ZZEF1: variants seen among roughly 807,000 people sequenced by gnomAD.
ZZEF1 encodes the protein zinc finger ZZ-type and EF-hand domain-containing protein 1.
In ZZEF1, 157 loss-of-function variants were observed where a neutral mutation model predicts 342.8. That is an observed-to-expected ratio of 0.46 (90% CI 0.40 to 0.52). ZZEF1 has a LOEUF of 0.52. Among genes scored for constraint, ZZEF1 ranks in the 20% least tolerant of loss-of-function variants. The pLI is 0.00. For missense variants in ZZEF1, 3,480 were observed against 3,725.6 expected (o/e 0.93, Z 1.72); for synonymous variants, 1,505 against 1,429.1 (o/e 1.05, Z -1.20).
intron 32 of ZZEF1, chr17:4,056,819 C>T (rs1219251547): frequency 6.6e-6 from 1 of 152,116 alleles, no homozygotes; most frequent in East Asian, 1.9e-4. Context: ...CAGCCCTGGT[C>T]CTCAGTCTCC....
intron 18 of ZZEF1, among the ~76,000 whole-genome samples, chr17:4,079,838 C>T (rs1489581322): frequency 6.6e-6 from 1 of 152,026 alleles, no homozygotes; most frequent in Non-Finnish European, 1.5e-5. Flanking sequence ...GTAAGGCACC[C>T]GCAAAAATGT....
intron 43 of ZZEF1, among the ~76,000 whole-genome samples, chr17:4,023,439 T>C (rs183878355): frequency 6.6e-6 from 1 of 152,152 alleles, no homozygotes; most frequent in South Asian, 2.1e-4. Context: ...ACAGAAATTA[T>C]TGCTGCCCTT....
chr17:4,070,635 A>G (rs767420703), intron 26 of ZZEF1, 49 bp downstream of exon 26: 1 of 1,586,508 alleles, frequency 6.3e-7, no homozygotes, highest in South Asian at 1.2e-5. Context: ...CTTTCTTAAA[A>G]CTTAGCAATT....
chr17:4,077,860 A>G, intron 19 of ZZEF1, 23 bp downstream of exon 19: 1 of 1,610,126 alleles, frequency 6.2e-7, no homozygotes, highest in East Asian at 2.2e-5. Flanking sequence ...ATCTGTTTTC[A>G]TGGATTTTAT....
At chr17:4,024,640 A>G (rs1260925713) in intron 43 of ZZEF1, among the ~76,000 whole-genome samples, 1 of 152,214 alleles carries the variant, frequency 6.6e-6, no homozygotes, top group Non-Finnish European at 1.5e-5. Context: ...AGAGGAAAGT[A>G]AGAAACTTTT....
At chr17:4,113,714 C>T (rs2058350965) in intron 4 of ZZEF1, among the ~76,000 whole-genome samples, 1 of 151,266 alleles carries the variant, frequency 6.6e-6, no homozygotes, top group Non-Finnish European at 1.5e-5. Context: ...TGGCTCACAC[C>T]TATAAACCCA....
In ZZEF1 at chr17:4,066,464, A is replaced by C. The variant is rs773566864; in HGVS notation, c.4232T>G (p.Val1411Gly). ...ACACTCACCCAGGCTCTCAGGGTTC[A>C]CCTCAGTAGCTTCTGAACTATGTTT... ...EEKHSSEATE[V>G]NPESLAKECI... The change falls in exon 28 of 55, where the codon GTG becomes GGG. Residue 1411 changes from valine (V) to glycine (G), a missense_variant. By Grantham distance (109) the Val-to-Gly change is moderately radical. Transcript: ENST00000381638. 4 of 1,613,948 alleles carry C rather than the reference A, an allele frequency of 2.5e-6. No homozygotes were observed. The African/African-American group carries it at 5.3e-5, about 22-fold the overall frequency.
intron 35 of ZZEF1, among the ~76,000 whole-genome samples, chr17:4,051,668 G>A (rs897326200): frequency 1.8e-4 from 27 of 151,182 alleles, no homozygotes; most frequent in Admixed American, 1.6e-3. Context: ...AGTTCGCCTC[G>A]GCCTCTGAAA....
At position 4,070,917 on chromosome 17, in the gene ZZEF1, T is replaced by C. The variant is rs1344590492; in HGVS notation, c.3842A>G (p.Asn1281Ser). 5 of 1,609,104 alleles carry C rather than the reference T, an allele frequency of 3.1e-6. No homozygotes were observed. The highest frequency in any genetic ancestry group is 1.1e-5 in the South Asian group (1 of 90,014). ...HPHRNSKEVK[N>S]IPDDPCRHFL... The stretch of plus-strand genomic sequence containing the variant: ...ATGGCGGCAGGGGTCGTCAGGAATG[T>C]TCTTAACCTGGAAACAAAAAATAAA... Residue 1281 changes from asparagine (N) to serine (S), a missense_variant, in exon 26 of 55, where the codon AAC becomes AGC. Coordinates refer to ENST00000381638, the MANE Select transcript of ZZEF1 (RefSeq NM_015113.4).
At chr17:4,126,225 CAAAAA>C (rs34213678) in intron 1 of ZZEF1, among the ~76,000 whole-genome samples, 2 of 94,142 alleles carry the variant, frequency 2.1e-5, no homozygotes, top group Admixed American at 1.1e-4. Flanking sequence ...GACTCCGTCT[CAAAAA>C]AAAAAAAAAA....
intron 26 of ZZEF1, 28 bp downstream of exon 26, chr17:4,070,656 T>C: frequency 6.2e-7 from 1 of 1,602,498 alleles, no homozygotes; most frequent in Non-Finnish European, 8.5e-7. Context: ...AGCCTTCAGA[T>C]CAAAAATATT....
chr17:4,098,320 G>A (rs1047426714), intron 9 of ZZEF1, among the ~76,000 whole-genome samples: 1 of 152,056 alleles, frequency 6.6e-6, no homozygotes, highest in East Asian at 1.9e-4. Flanking sequence ...GCCAGGGTGG[G>A]AGGATCGCTT....
intron 5 of ZZEF1, among the ~76,000 whole-genome samples, chr17:4,111,003 G>A (rs1256411609): frequency 6.6e-6 from 1 of 152,174 alleles, no homozygotes; most frequent in East Asian, 1.9e-4. Flanking sequence ...GTGAGCCACT[G>A]CACCCAGCCA....
intron 42 of ZZEF1, among the ~76,000 whole-genome samples, chr17:4,026,396 G>A (rs1459168297): frequency 6.6e-6 from 1 of 152,020 alleles, no homozygotes; most frequent in African/African-American, 2.4e-5. Flanking sequence ...ATGCATAATT[G>A]AATTGCTAAA....
Position 4,009,750 on chromosome 17 carries a change from A to G in ZZEF1, c.8587T>C (p.Cys2863Arg), listed in dbSNP as rs148736401. 2.1e-5 allele frequency: 34 copies of G among 1,613,900 alleles called. No individual in the cohort carries two copies. The highest frequency in any genetic ancestry group is 2.9e-5 in the Non-Finnish European group (34 of 1,180,010). ...AGGGGCTTCAACAGCGCAAGGTCAC[A>G]CAGGTCACTGCAGGAGGAGCCCCGG... ...IVRCCGHSDLCDLALLKPLWQ... is the reference protein window; with the variant it reads ...IVRCCGHSDLRDLALLKPLWQ... Residue 2863 changes from cysteine to arginine, a missense_variant, in exon 53 of 55, where the codon TGT becomes CGT. Cys to Arg is a radical substitution (Grantham distance 180). This residue lies in a region of ZZEF1 where 1,269 missense variants were observed against 1,342.4 expected (regional missense o/e 0.95). Transcript: ENST00000381638.
At chr17:4,142,432 C>T (rs996322681) in intron 1 of ZZEF1, 110 bp downstream of exon 1, 51 of 1,167,922 alleles carry the variant, frequency 4.4e-5, no homozygotes, top group Non-Finnish European at 5.8e-5. Context: ...GCTGGAAACA[C>T]CTCATATGGG....
chr17:4,108,104 C>G (rs2058240817), intron 6 of ZZEF1, among the ~76,000 whole-genome samples: 1 of 152,140 alleles, frequency 6.6e-6, no homozygotes, highest in African/African-American at 2.4e-5. Context: ...TACATAGTCT[C>G]AAAGTACCGC....
Position 4,142,808 on chromosome 17 carries a change from C to T in ZZEF1, c.88G>A (p.Val30Ile), listed in dbSNP as rs1369945656. 2.1e-6 allele frequency: 3 copies of T among 1,403,202 alleles called. No homozygotes were observed. The highest frequency in any genetic ancestry group is 1.6e-5 in the South Asian group (1 of 62,648). 86.9% of individuals were successfully genotyped at this position (1,403,202 alleles called of 1,614,324 possible). A position where few individuals can be genotyped will look rare whatever the true frequency, so the allele number is the denominator to read the frequency against. Residue 30 changes from valine (V) to isoleucine (I), a missense_variant, in exon 1 of 55, where the codon GTC (valine) becomes ATC (isoleucine). By Grantham distance (29) the Val-to-Ile change is conservative. Coordinates refer to ENST00000381638, the MANE Select transcript of ZZEF1 (RefSeq NM_015113.4). Reference protein sequence around the residue: ...GWGPHQDWAAVSGTTPGPGVA... With the variant: ...GWGPHQDWAAISGTTPGPGVA... Reference sequence around the variant, plus strand: ...CCCGGGCCGGGGGTCGTGCCCGAGACCGCGGCCCAGTCCTGGTGTGGGCCC... The same window carrying T: ...CCCGGGCCGGGGGTCGTGCCCGAGATCGCGGCCCAGTCCTGGTGTGGGCCC...
intron 12 of ZZEF1, 34 bp downstream of exon 12, chr17:4,090,685 G>A (rs774233654): frequency 6.5e-7 from 1 of 1,528,104 alleles, no homozygotes; most frequent in South Asian, 1.1e-5. Context: ...AGAATAAAAG[G>A]AGGGGAGTGG....
Sources: gnomAD v4.1 joint callset for allele counts (sites outside exome capture counted in the v4.1 genomes callset) on GRCh38, gnomAD v4.1.1 for gene constraint, gnomAD v4.1.1 regional missense constraint, MANE v1.5 for transcripts, NCBI Gene and HGNC (gene_info 2026-07-23, HGNC 2026-07-21) for gene names.